The following CNBD1 variants were observed in gnomAD, a reference collection of about 807,000 sequenced individuals.
CNBD1 encodes the protein cyclic nucleotide binding domain containing 1.
CNBD1 carries 71 observed loss-of-function variants against 54.4 expected under a neutral mutation model. The ratio of observed to expected loss-of-function variants is 1.30; its 90% confidence interval spans 1.08 to 1.59. CNBD1 has a LOEUF of 1.59. Among genes scored for constraint, CNBD1 ranks in the 40% most tolerant of loss-of-function variants. The probability of loss-of-function intolerance (pLI) is 0.00; values close to 1 mark genes in which losing one functional copy is unlikely to be tolerated. For synonymous variants in CNBD1, 182 were observed against 170.7 expected, an observed-to-expected ratio of 1.07 and a Z score of -0.51; for missense variants, 659 against 518.0, an observed-to-expected ratio of 1.27 and a Z score of -2.64.
At chr8:87,274,362 G>A (rs1438573100) in intron 6 of CNBD1, among the ~76,000 whole-genome samples, 2 of 148,216 alleles carry the variant, frequency 1.3e-5, no homozygotes, top group South Asian at 2.2e-4. Flanking sequence ...TTCCACAGTG[G>A]TTGAACTAGT....
intron 4 of CNBD1, among the ~76,000 whole-genome samples, chr8:87,070,084 AT>A (rs1810730023): frequency 6.6e-6 from 1 of 152,076 alleles, no homozygotes; most frequent in Non-Finnish European, 1.5e-5. Flanking sequence ...GGTTTAATAA[AT>A]TAGTGGGTAT....
At chr8:87,394,523 G>T (rs998494218) in intron 2 of CNBD1, among the ~76,000 whole-genome samples, 8 of 151,828 alleles carry the variant, frequency 5.3e-5, no homozygotes, top group East Asian at 1.9e-4. Context: ...CCACATAAAA[G>T]AATAAGTGGT....
At chr8:87,099,077 G>C (rs1342585905) in intron 4 of CNBD1, among the ~76,000 whole-genome samples, 1 of 133,290 alleles carries the variant, frequency 7.5e-6, no homozygotes, top group Non-Finnish European at 1.6e-5. Context: ...TCCAAATTTT[G>C]ACCCTTATGC....
chr8:87,069,700 A>G (rs1810722534), intron 4 of CNBD1, among the ~76,000 whole-genome samples: 1 of 152,134 alleles, frequency 6.6e-6, no homozygotes, highest in South Asian at 2.1e-4. Context: ...TTAGGAATCT[A>G]CTGGAGTTGC....
chr8:87,375,919 G>A (rs10094987), intron 10 of CNBD1, among the ~76,000 whole-genome samples: 1,889 of 151,868 alleles, frequency 0.012, 46 homozygotes, highest in African/African-American at 0.043. Context: ...AGACTATGTT[G>A]ATAAAAGATA....
intron 2 of CNBD1, among the ~76,000 whole-genome samples, chr8:87,423,479 G>A (rs1055722205): frequency 7.9e-5 from 12 of 151,676 alleles, no homozygotes; most frequent in African/African-American, 2.4e-4. Context: ...AGAGTTTTTA[G>A]CATGAAGGGT....
intron 3 of CNBD1, among the ~76,000 whole-genome samples, chr8:86,930,522 A>T (rs568567737): frequency 6.6e-6 from 1 of 152,284 alleles, no homozygotes; most frequent in East Asian, 1.9e-4. Context: ...TGTCCACATA[A>T]GTTGGGACAT....
chr8:87,122,590 C>T (rs1016783736), intron 4 of CNBD1, among the ~76,000 whole-genome samples: 15 of 151,670 alleles, frequency 9.9e-5, no homozygotes, highest in East Asian at 1.9e-4. Flanking sequence ...TTTTAGGAGT[C>T]GTAGCCAAAA....
chr8:86,924,352 TG>T (rs1563823611), intron 3 of CNBD1, among the ~76,000 whole-genome samples: 1 of 152,110 alleles, frequency 6.6e-6, no homozygotes, highest in Non-Finnish European at 1.5e-5. Context: ...GTCTACAGAA[TG>T]TGGAAATGGG....
At chr8:86,930,459 G>A (rs569393056) in intron 3 of CNBD1, among the ~76,000 whole-genome samples, 40 of 152,086 alleles carry the variant, frequency 2.6e-4, no homozygotes, top group Non-Finnish European at 4.7e-4. Flanking sequence ...TAGATCTTGG[G>A]CCAGTGCATG....
chr8:87,371,199 T>C (rs1810783316), intron 10 of CNBD1, among the ~76,000 whole-genome samples: 1 of 152,048 alleles, frequency 6.6e-6, no homozygotes, highest in Non-Finnish European at 1.5e-5. Context: ...TAGGATTGAC[T>C]GGGCAATGGG....
At chr8:87,426,004 A>G (rs1196105883) in intron 2 of CNBD1, among the ~76,000 whole-genome samples, 1 of 152,204 alleles carries the variant, frequency 6.6e-6, no homozygotes, top group African/African-American at 2.4e-5. Context: ...AGCCAGGTGC[A>G]GGATATAATC....
chr8:87,424,521 AT>A (rs1173752437), intron 2 of CNBD1, among the ~76,000 whole-genome samples: 1 of 152,014 alleles, frequency 6.6e-6, no homozygotes, highest in Non-Finnish European at 1.5e-5. Context: ...TTCTGCCTTC[AT>A]TTCGTTATGT....
intron 8 of CNBD1, among the ~76,000 whole-genome samples, chr8:87,317,204 T>C (rs1169309976): frequency 6.6e-6 from 1 of 151,724 alleles, no homozygotes; most frequent in Non-Finnish European, 1.5e-5. Context: ...TGATTTCTCC[T>C]TTTTTATTAT....
At chr8:86,951,693 CT>C (rs1393969069) in intron 4 of CNBD1, among the ~76,000 whole-genome samples, 1 of 136,794 alleles carries the variant, frequency 7.3e-6, no homozygotes, top group Non-Finnish European at 1.5e-5. Context: ...CAAAAGACAT[CT>C]TGTTTAATTT....
intron 4 of CNBD1, among the ~76,000 whole-genome samples, chr8:87,015,983 A>G (rs1809348167): frequency 2.0e-5 from 3 of 150,488 alleles, no homozygotes; most frequent in African/African-American, 7.3e-5. Flanking sequence ...GTCTCAAAAA[A>G]AAAAAAAAAA....
intron 1 of CNBD1, among the ~76,000 whole-genome samples, chr8:86,877,752 T>G (rs1808545740): frequency 6.6e-6 from 1 of 152,158 alleles, no homozygotes; most frequent in Middle Eastern, 3.2e-3. Context: ...AGAAAAGTAT[T>G]ATTGCATTAT....
chr8:87,361,761 C>T (rs959413319), intron 10 of CNBD1, among the ~76,000 whole-genome samples: 1 of 150,330 alleles, frequency 6.7e-6, no homozygotes, highest in East Asian at 1.9e-4. Context: ...CCCCAAGAAA[C>T]TACTTATGTA....
chr8:86,896,256 A>G (rs1808846498), intron 2 of CNBD1, among the ~76,000 whole-genome samples: 1 of 152,134 alleles, frequency 6.6e-6, no homozygotes, highest in South Asian at 2.1e-4. Flanking sequence ...TTAAATTGGT[A>G]TATAATAACT....
Sources: allele counts gnomAD v4.1 joint callset (sites outside exome capture counted in the v4.1 genomes callset), GRCh38; gene constraint gnomAD v4.1.1; transcripts MANE v1.5; gene names NCBI Gene and HGNC (gene_info 2026-07-23, HGNC 2026-07-21).